PPCDC: variants seen among roughly 807,000 people sequenced by gnomAD.
The protein encoded by PPCDC is phosphopantothenoylcysteine decarboxylase.
PPCDC carries 20 observed loss-of-function variants against 20.7 expected under a neutral mutation model. The ratio of observed to expected loss-of-function variants is 0.97; its 90% CI spans 0.68 to 1.41. PPCDC has a LOEUF of 1.41. Ranked by LOEUF, PPCDC falls within the 40% of genes most tolerant of loss-of-function variation. The pLI is 0.00. For synonymous variants in PPCDC, 88 were observed against 100.3 expected (o/e 0.88, Z 0.73); for missense variants, 246 against 263.8 (o/e 0.93, Z 0.47).
intron 2 of PPCDC, among the ~76,000 whole-genome samples, chr15:75,033,479 T>C (rs2066048893): frequency 6.6e-6 from 1 of 152,166 alleles, no homozygotes; most frequent in Non-Finnish European, 1.5e-5. Context: ...CTGTTCAGTT[T>C]TAATTTGTAA....
At chr15:75,026,119 A>G (rs2065956604) in intron 1 of PPCDC, among the ~76,000 whole-genome samples, 1 of 152,138 alleles carries the variant, frequency 6.6e-6, no homozygotes, top group East Asian at 1.9e-4. Flanking sequence ...TTTCCTAGGA[A>G]TGAGATCAGC....
intron 2 of PPCDC, among the ~76,000 whole-genome samples, chr15:75,042,652 C>CA (rs768744006): frequency 0.033 from 2,917 of 89,594 alleles, 132 homozygotes; most frequent in African/African-American, 0.12. Flanking sequence ...GACTCCATCT[C>CA]AAAAAAAAAA....
chr15:75,049,375 C>T lies in PPCDC; in HGVS notation c.*140C>T. 1 of 782,582 alleles carries T rather than the reference C, an allele frequency of 1.3e-6. No individual in the cohort carries two copies. Among genetic ancestry groups the T allele is most frequent in the Non-Finnish European group, 2.1e-6 (1 of 482,884 alleles). 48.5% of individuals were successfully genotyped at this position (782,582 alleles called of 1,614,324 possible). ...GCTCTGAGCCTGCCCAGGGGCCAGG[C>T]CTGCTCCAGGTTAAACTGGACGGAA... On this transcript the variant is annotated 3_prime_UTR_variant, in exon 6 of 6. Transcript: ENST00000342932.
At chr15:75,027,120 A>G (rs973869382) in intron 1 of PPCDC, among the ~76,000 whole-genome samples, 1 of 152,152 alleles carries the variant, frequency 6.6e-6, no homozygotes, top group Non-Finnish European at 1.5e-5. Context: ...TGATGTGTTA[A>G]TTGAGTCTGT....
At position 75,044,420 on chromosome 15, in the gene PPCDC, T is replaced by C. The variant is rs748099260; in HGVS notation, c.266T>C (p.Ile89Thr). Residue 89 changes from isoleucine to threonine, a missense_variant, in exon 4 of 6, where the codon ATT becomes ACT. Physicochemically the swap from Ile to Thr is moderately conservative, Grantham distance 89. Transcript: ENST00000342932. ...AGCCGCTCTGACCCAGTTCTGCACATTGACCTGCGGAGGTGGGCAGACCTC... is the reference window on the plus strand; with the variant it reads ...AGCCGCTCTGACCCAGTTCTGCACACTGACCTGCGGAGGTGGGCAGACCTC... ...WKSRSDPVLH[I>T]DLRRWADLLL... is the part of the protein sequence containing the mutation. 3 of 1,613,978 alleles carry C rather than the reference T, an allele frequency of 1.9e-6. No homozygotes were observed. Among genetic ancestry groups the C allele is most frequent in the Admixed American group, 3.3e-5 (2 of 60,006 alleles).
At chr15:75,037,579 T>G (rs1204122561) in intron 2 of PPCDC, among the ~76,000 whole-genome samples, 4 of 152,158 alleles carry the variant, frequency 2.6e-5, no homozygotes, top group South Asian at 2.1e-4. Flanking sequence ...AAATCCTGTC[T>G]CTAGTAAAAA....
chr15:75,037,818 T>G (rs4886417), intron 2 of PPCDC, among the ~76,000 whole-genome samples: 45,706 of 152,014 alleles, frequency 0.3, 8,873 homozygotes, highest in Non-Finnish European at 0.44. Flanking sequence ...TTTGAGCTTG[T>G]GGTGGTAGGA....
rs2066134182 is a variant in PPCDC, at chr15:75,040,015, C to T, written c.136-3426C>T. On this transcript the variant is annotated intron_variant, in intron 2 of 5. Transcript: ENST00000342932. ...GTCAGGCTGATCTCGACCTCCCCAC[C>T]TCAGGTGATCTGCCCACCTTAGCCT... Among the ~76,000 whole-genome samples the T allele has an allele frequency of 1.3e-5, 2 of 152,192 alleles. 1 individual carries two copies. Among genetic ancestry groups the T allele is most frequent in the South Asian group, 4.1e-4 (2 of 4,830 alleles).
intron 4 of PPCDC, among the ~76,000 whole-genome samples, chr15:75,046,876 G>T (rs1343470691): frequency 6.6e-6 from 1 of 152,258 alleles, no homozygotes. Flanking sequence ...GTGCTAAACA[G>T]GCAGTCGGAC....
intron 4 of PPCDC, among the ~76,000 whole-genome samples, chr15:75,046,823 C>A (rs756463913): frequency 6.6e-6 from 1 of 152,260 alleles, no homozygotes; most frequent in Non-Finnish European, 1.5e-5. Flanking sequence ...CCTCCAGGCC[C>A]GTGTCCCTCT....
intron 1 of PPCDC, among the ~76,000 whole-genome samples, chr15:75,025,398 G>C (rs1478629848): frequency 6.6e-6 from 1 of 152,158 alleles, no homozygotes; most frequent in African/African-American, 2.4e-5. Flanking sequence ...TCCTTGCTCT[G>C]TCTTTAGTCT....
intron 1 of PPCDC, among the ~76,000 whole-genome samples, chr15:75,025,198 G>A (rs1355349111): frequency 6.6e-6 from 1 of 152,194 alleles, no homozygotes; most frequent in Non-Finnish European, 1.5e-5. Context: ...ACAGGTGTAA[G>A]CTGGAGCAGA....
At chr15:75,037,321 G>GC (rs1166174349) in intron 2 of PPCDC, among the ~76,000 whole-genome samples, 5 of 152,300 alleles carry the variant, frequency 3.3e-5, no homozygotes, top group East Asian at 1.9e-4. Flanking sequence ...GTGGTCCAGA[G>GC]CCCCCCAGGG....
chr15:75,030,042 T>C (rs547838437), intron 2 of PPCDC, among the ~76,000 whole-genome samples: 267 of 152,288 alleles, frequency 1.8e-3, no homozygotes, highest in African/African-American at 6.2e-3. Flanking sequence ...CCTTTTAGCC[T>C]GGGCCCCATG....
At chr15:75,035,288 C>T (rs553329643) in intron 2 of PPCDC, among the ~76,000 whole-genome samples, 1 of 152,268 alleles carries the variant, frequency 6.6e-6, no homozygotes, top group African/African-American at 2.4e-5. Context: ...GTGCTACTGG[C>T]TCTTGGTTCT....
rs944896176 is a variant in PPCDC, at chr15:75,049,510, C to T, written c.*275C>T. ...AGGAGAGCAAGCAGTGTTGTCCTCA[C>T]GGGAGGAGGACTGAGCGACTGGGAA... On this transcript the variant is annotated 3_prime_UTR_variant, in exon 6 of 6. Coordinates refer to ENST00000342932, the MANE Select transcript of PPCDC (RefSeq NM_021823.5). The T allele has an allele frequency of 8.2e-5, 36 of 439,012 alleles. No individual in the cohort carries two copies. The highest frequency in any genetic ancestry group is 1.2e-4 in the African/African-American group (6 of 49,726). The allele number at this position is 439,012 out of a possible 1,614,324, so 27.2% of individuals were successfully genotyped here. A position where few individuals can be genotyped will look rare whatever the true frequency, so the allele number is the denominator to read the frequency against.
At chr15:75,040,988 A>G (rs2066146288) in intron 2 of PPCDC, among the ~76,000 whole-genome samples, 1 of 152,100 alleles carries the variant, frequency 6.6e-6, no homozygotes, top group South Asian at 2.1e-4. Flanking sequence ...GCTTTATCAT[A>G]TATTCTCTCT....
intron 2 of PPCDC, among the ~76,000 whole-genome samples, chr15:75,039,273 C>A (rs2066123553): frequency 6.6e-6 from 1 of 152,208 alleles, no homozygotes. Context: ...CATCTCCCTA[C>A]TGCCAGGGTT....
In PPCDC at chr15:75,044,502, T is replaced by A; in HGVS notation, c.348T>A (p.Cys116Ter). Residue 116 changes from cysteine (C) to a stop codon, truncating the protein, a stop_gained, in exon 4 of 6, where the codon TGT becomes TGA. Transcript: ENST00000342932. LOFTEE classifies it high-confidence loss of function. ...NTLGKVASGICDNLLTCVMRA... is the reference protein window; with the variant it reads ...NTLGKVASGI ...TGGGGAAGGTGGCCAGTGGCATCTG[T>A]GACAACTTGCTTGTGAGTGATGTCC... 1.9e-6 allele frequency: 3 copies of A among 1,614,038 alleles called. No homozygotes were observed. The highest frequency in any genetic ancestry group is 2.5e-6 in the Non-Finnish European group (3 of 1,179,896).
Sources: gnomAD v4.1 joint callset for allele counts (sites outside exome capture counted in the v4.1 genomes callset) on GRCh38, gnomAD v4.1.1 for gene constraint, MANE v1.5 for transcripts, NCBI Gene and HGNC (gene_info 2026-07-23, HGNC 2026-07-21) for gene names.